Variants in RABGAP1L observed in about 807,000 individuals in gnomAD.
The protein encoded by RABGAP1L is rab GTPase-activating protein 1-like.
RABGAP1L carries 63 observed loss-of-function variants against 137.7 expected under a neutral mutation model. That is an observed-to-expected ratio of 0.46 (90% confidence interval 0.37 to 0.56). RABGAP1L has a LOEUF of 0.56. Among genes scored for constraint, RABGAP1L ranks in the 20% least tolerant of loss-of-function variants. RABGAP1L has a pLI of 0.00. For synonymous variants in RABGAP1L, 431 were observed against 433.7 expected (o/e 0.99, Z 0.08); for missense variants, 1,095 against 1,244.0 (o/e 0.88, Z 1.80).
At chr1:174,520,325 A>G (rs1465326984) in intron 13 of RABGAP1L, among the ~76,000 whole-genome samples, 6 of 152,238 alleles carry the variant, frequency 3.9e-5, no homozygotes, top group Admixed American at 2.0e-4. Flanking sequence ...CAAAGTAAAG[A>G]CTTCAGGCCA....
chr1:174,407,033 G>A (rs949573662), intron 13 of RABGAP1L, among the ~76,000 whole-genome samples: 2 of 152,080 alleles, frequency 1.3e-5, no homozygotes, highest in African/African-American at 2.4e-5. Context: ...AATATGGTGT[G>A]GTGAGTTCTC....
At chr1:174,195,616 T>TCTTTCTTTCTTTCTTTCTTTCTTC (rs1234228992) in intron 1 of RABGAP1L, among the ~76,000 whole-genome samples, 1 of 57,668 alleles carries the variant, frequency 1.7e-5, no homozygotes. Flanking sequence ...TTTCTTTCTT[T>TCTTTCTTTCTTTCTTTCTTTCTTC]CTTCCTTCCT....
At chr1:174,789,305 A>G (rs998955799) in intron 18 of RABGAP1L, among the ~76,000 whole-genome samples, 6 of 152,176 alleles carry the variant, frequency 3.9e-5, no homozygotes, top group South Asian at 2.1e-4. Flanking sequence ...AATCACTGCA[A>G]TTAACCAGGT....
intron 18 of RABGAP1L, among the ~76,000 whole-genome samples, chr1:174,794,516 G>T (rs557875195): frequency 7.4e-4 from 112 of 152,318 alleles, no homozygotes; most frequent in Non-Finnish European, 1.1e-3. Context: ...GAGCAGCTTT[G>T]CCAGCTAGGT....
chr1:174,185,101 G>A (rs1666701594), intron 1 of RABGAP1L, among the ~76,000 whole-genome samples: 1 of 152,202 alleles, frequency 6.6e-6, no homozygotes, highest in Admixed American at 6.5e-5. Flanking sequence ...TTTCAATGAA[G>A]TGTTTCTAGG....
chr1:174,850,831 G>A (rs1262165219), intron 19 of RABGAP1L, among the ~76,000 whole-genome samples: 1 of 152,226 alleles, frequency 6.6e-6, no homozygotes, highest in South Asian at 2.1e-4. Flanking sequence ...CTAATGGCAG[G>A]AAGGAAAGTC....
intron 12 of RABGAP1L, among the ~76,000 whole-genome samples, chr1:174,377,858 A>G (rs1232201600): frequency 6.2e-5 from 9 of 145,158 alleles, no homozygotes; most frequent in Non-Finnish European, 1.3e-4. Context: ...ATATGTATAC[A>G]TGTGCCATGC....
chr1:174,251,702 C>T (rs1453548975), intron 6 of RABGAP1L, among the ~76,000 whole-genome samples: 6 of 152,042 alleles, frequency 3.9e-5, no homozygotes, highest in Non-Finnish European at 8.8e-5. Flanking sequence ...TTTATATATT[C>T]ATGGATACAT....
chr1:174,566,193 A>G (rs1329811289), intron 13 of RABGAP1L, among the ~76,000 whole-genome samples: 3 of 152,156 alleles, frequency 2.0e-5, no homozygotes, highest in Non-Finnish European at 4.4e-5. Flanking sequence ...TTAAGCAGAG[A>G]GCAAGAGAAG....
chr1:174,948,808 A>C (rs1011635456), intron 19 of RABGAP1L: 3 of 152,198 alleles, frequency 2.0e-5, no homozygotes, highest in African/African-American at 4.8e-5. Context: ...ATGATGTAGT[A>C]AAGGTACTAG....
intron 19 of RABGAP1L, among the ~76,000 whole-genome samples, chr1:174,849,085 C>G (rs1647706360): frequency 6.6e-6 from 1 of 152,218 alleles, no homozygotes; most frequent in Non-Finnish European, 1.5e-5. Context: ...CCTGCTTCGG[C>G]TCGCGCACGG....
At chr1:174,428,283 C>T (rs1207836847) in intron 13 of RABGAP1L, among the ~76,000 whole-genome samples, 24 of 152,022 alleles carry the variant, frequency 1.6e-4, no homozygotes, top group Non-Finnish European at 1.9e-4. Flanking sequence ...CAGAGATAAG[C>T]GAGACAATTA....
At chr1:174,707,912 G>C (rs1379462000) in intron 17 of RABGAP1L, among the ~76,000 whole-genome samples, 2 of 151,838 alleles carry the variant, frequency 1.3e-5, no homozygotes, top group African/African-American at 4.8e-5. Flanking sequence ...AGTGTTTTTT[G>C]CTTCTCCTCC....
chr1:174,935,239 C>T (rs1316030501), intron 19 of RABGAP1L: 17 of 152,124 alleles, frequency 1.1e-4, no homozygotes, highest in Admixed American at 1.1e-3. Context: ...TGTCTTTGTT[C>T]TCAAGGAGAC....
intron 7 of RABGAP1L, among the ~76,000 whole-genome samples, chr1:174,253,319 A>C (rs951601892): frequency 6.6e-6 from 1 of 152,154 alleles, no homozygotes; most frequent in Non-Finnish European, 1.5e-5. Flanking sequence ...TGGTGGGGGT[A>C]TGGGGCAAAG....
intron 11 of RABGAP1L, among the ~76,000 whole-genome samples, chr1:174,349,628 TG>T (rs1255844019): frequency 3.0e-5 from 3 of 98,692 alleles, no homozygotes; most frequent in African/African-American, 3.8e-5. Flanking sequence ...GCTGGCCGGG[TG>T]GGGGGCTGAC....
intron 19 of RABGAP1L, among the ~76,000 whole-genome samples, chr1:174,946,980 GTA>G (rs1553291102): frequency 1.5e-4 from 12 of 78,248 alleles, no homozygotes; most frequent in African/African-American, 6.0e-4. Flanking sequence ...GTGTGTGTGT[GTA>G]TATATATGTA....
intron 13 of RABGAP1L, among the ~76,000 whole-genome samples, chr1:174,611,272 A>G (rs1201139224): frequency 1.5e-4 from 23 of 150,608 alleles, no homozygotes; most frequent in Non-Finnish European, 3.3e-4. Context: ...CTTTCTACAC[A>G]TGGCTAGCCA....
intron 1 of RABGAP1L, among the ~76,000 whole-genome samples, chr1:174,190,846 C>G (rs1015549176): frequency 6.6e-6 from 1 of 152,218 alleles, no homozygotes; most frequent in Non-Finnish European, 1.5e-5. Context: ...AGACTTGCAA[C>G]TTTTCCTTTC....
Sources: allele counts gnomAD v4.1 joint callset (sites outside exome capture counted in the v4.1 genomes callset), GRCh38; gene constraint gnomAD v4.1.1; transcripts MANE v1.5; gene names NCBI Gene and HGNC (gene_info 2026-07-23, HGNC 2026-07-21).